The following SLC22A6 variants were observed in gnomAD, a reference collection of about 807,000 sequenced individuals.
SLC22A6 encodes the protein solute carrier family 22 member 6, also known as PAH transporter.
In SLC22A6, 45 loss-of-function variants were observed where a neutral mutation model predicts 56.7. The observed-to-expected ratio is 0.79, with a 90% CI of 0.63 to 1.02. SLC22A6 has a LOEUF of 1.02. Among genes scored for constraint, SLC22A6 ranks in the 50% least tolerant of loss-of-function variants. The pLI is 0.00. For missense variants in SLC22A6, 606 were observed against 713.8 expected (o/e 0.85, Z 1.72); for synonymous variants, 291 against 295.9 (o/e 0.98, Z 0.17).
In SLC22A6 at chr11:62,984,059, G is replaced by A; in HGVS notation, c.370-12C>T. The A allele has an allele frequency of 6.3e-7, 1 of 1,582,344 alleles. No individual in the cohort carries two copies. Among genetic ancestry groups the A allele is most frequent in the Non-Finnish European group, 8.7e-7 (1 of 1,153,360 alleles). On this transcript the variant is annotated splice_polypyrimidine_tract_variant and intron_variant, in intron 1 of 9. Coordinates refer to ENST00000360421, the MANE Select transcript of SLC22A6 (RefSeq NM_153276.3). ...CACACAAGGTCCCACTGTGGGGAGA[G>A]GAGCAAGGGTCAGGCAGAGATGAGC... is the stretch of plus-strand genomic sequence containing the variant.
At position 62,982,020 on chromosome 11, in the gene SLC22A6, G is replaced by C. The variant is rs546834053; in HGVS notation, c.629-10C>G. The C allele has an allele frequency of 2.7e-5, 43 of 1,611,306 alleles. No individual in the cohort carries two copies. In the Middle Eastern group the frequency reaches 6.6e-4, roughly 25 times the overall value. ...GGCATCCACTCCACATCTGGAAAGA[G>C]GGTTAAGACAGGATGCTGCAACTAC... On this transcript the variant is annotated splice_polypyrimidine_tract_variant and intron_variant, in intron 3 of 9. Transcript: ENST00000360421.
At position 62,984,616 on chromosome 11, in the gene SLC22A6, G is replaced by A; in HGVS notation, c.75C>T (p.Val25=). The A allele has an allele frequency of 6.2e-7, 1 of 1,613,588 alleles. No individual in the cohort carries two copies. Among genetic ancestry groups the A allele is most frequent in the African/African-American group, 1.3e-5 (1 of 75,040 alleles). ...GAGAAGCCATCAGGAGCAGGGGGAGGACCACCAGGGTGACCTGGATCTGCT... is the reference window on the plus strand; with the variant it reads ...GAGAAGCCATCAGGAGCAGGGGGAGAACCACCAGGGTGACCTGGATCTGCT... ...RFQQIQVTLV[V]LPLLLMASHN... Residue 25 remains valine, a synonymous_variant, in exon 1 of 10, where the codon GTC becomes GTT. Coordinates refer to ENST00000360421, the MANE Select transcript of SLC22A6 (RefSeq NM_153276.3).
intron 5 of SLC22A6, 35 bp downstream of exon 5, chr11:62,981,225 G>T: frequency 6.2e-7 from 1 of 1,608,336 alleles, no homozygotes; most frequent in Non-Finnish European, 8.5e-7. Flanking sequence ...GTGAAGCCCT[G>T]GGAGGTTATC....
In SLC22A6 at chr11:62,984,328, C is replaced by T; in HGVS notation, c.363G>A (p.Val121=). 1.2e-6 allele frequency: 2 copies of T among 1,613,370 alleles called. No homozygotes were observed. The highest frequency in any genetic ancestry group is 1.7e-6 in the Non-Finnish European group (2 of 1,179,970). ...GGGAGCCCCAGGTGCTCACCTCAGTCACGATGGTAGATGGGAAGGTGCTGT... is the reference window on the plus strand; with the variant it reads ...GGGAGCCCCAGGTGCTCACCTCAGTTACGATGGTAGATGGGAAGGTGCTGT... ...YDNSTFPSTI[V]TEWDLVCSHR... The change falls in exon 1 of 10, where the codon GTG becomes GTA. Residue 121 remains valine, a synonymous_variant. Transcript: ENST00000360421.
chr11:62,984,707 C>A lies in SLC22A6; in HGVS notation c.-17G>T. 6.2e-7 allele frequency: 1 copy of A among 1,608,060 alleles called. No homozygotes were observed. Among genetic ancestry groups the A allele is most frequent in the Non-Finnish European group, 8.5e-7 (1 of 1,178,298 alleles). On this transcript the variant is annotated 5_prime_UTR_variant, in exon 1 of 10. Coordinates refer to ENST00000360421, the MANE Select transcript of SLC22A6 (RefSeq NM_153276.3). ...AAAGGCCATTGGGCCAGGCCCAGCC[C>A]AGTGGCTGGGGGCTGAGGCCTTCCA...
In SLC22A6 at chr11:62,976,840, T is replaced by C; in HGVS notation, c.1607A>G (p.Tyr536Cys). ...TGCTGAGGCCTGCAGTGGGACCATATACTTCTGGTGCTCTTGTTGCTGTCG... is the reference window on the plus strand; with the variant it reads ...TGCTGAGGCCTGCAGTGGGACCATACACTTCTGGTGCTCTTGTTGCTGTCG... ...QTRQQQEHQK[Y>C]MVPLQASAQE... Residue 536 changes from tyrosine (Y) to cysteine (C), a missense_variant, in exon 10 of 10, where the codon TAT becomes TGT. By Grantham distance (194) the Tyr-to-Cys change is radical (BLOSUM62 -2). Coordinates refer to ENST00000360421, the MANE Select transcript of SLC22A6 (RefSeq NM_153276.3). The C allele has an allele frequency of 6.2e-7, 1 of 1,614,116 alleles. No homozygotes were observed. Among genetic ancestry groups the C allele is most frequent in the East Asian group, 2.2e-5 (1 of 44,888 alleles).
At chr11:62,977,426 C>A in intron 8 of SLC22A6, 39 bp from the exon 9 acceptor site, 1 of 1,577,416 alleles carries the variant, frequency 6.3e-7, no homozygotes, top group East Asian at 2.3e-5. Flanking sequence ...GTTAGAGTTC[C>A]AGCATGAATG....
chr11:62,982,293 C>A (rs1463917906), intron 3 of SLC22A6, among the ~76,000 whole-genome samples: 1 of 152,102 alleles, frequency 6.6e-6, no homozygotes, highest in Non-Finnish European at 1.5e-5. Context: ...CCATTGAGAG[C>A]ACCTCTGGCC....
Position 62,983,769 on chromosome 11 carries a change from C to T in SLC22A6, c.474-78G>A, listed in dbSNP as rs770362972. 7.0e-7 allele frequency: 1 copy of T among 1,427,118 alleles called. No individual in the cohort carries two copies. The highest frequency in any genetic ancestry group is 1.3e-5 in the South Asian group (1 of 74,580). 88.4% of individuals were successfully genotyped at this position (1,427,118 alleles called of 1,614,324 possible). A position where few individuals can be genotyped will look rare whatever the true frequency, so the allele number is the denominator to read the frequency against. On this transcript the variant is annotated intron_variant, in intron 2 of 9. Transcript: ENST00000360421. The surrounding 1 kb of genome is among the most constrained non-coding windows in gnomAD (Gnocchi z 4.5). ...GGCTGAGCCAGGAGAGGAGGGCTCA[C>T]CCTGGATGATGCCTGGGCTGGGGCC...
rs1403682440 is a variant in SLC22A6 at position 62,981,387 on chromosome 11, G to A, written c.798-4C>T. On this transcript the variant is annotated splice_polypyrimidine_tract_variant and splice_region_variant and intron_variant, in intron 4 of 9. Coordinates refer to ENST00000360421, the MANE Select transcript of SLC22A6 (RefSeq NM_153276.3). ...GCGGGCCGACTCAATGAAGAACCTG[G>A]GAGCGGGGGTGGGGGTGGGTGTCAG... is the stretch of plus-strand genomic sequence containing the variant. The A allele has an allele frequency of 6.4e-7, 1 of 1,565,404 alleles. No individual in the cohort carries two copies. Among genetic ancestry groups the A allele is most frequent in the Non-Finnish European group, 8.7e-7 (1 of 1,154,104 alleles).
Position 62,978,966 on chromosome 11 carries a change from G to A in SLC22A6, c.1361+522C>T, listed in dbSNP as rs553428454. Among the ~76,000 whole-genome samples, 47 of 152,204 alleles carry A rather than the reference G, an allele frequency of 3.1e-4. No homozygotes were observed. The South Asian group carries it at 9.1e-3, about 30-fold the overall frequency. The stretch of plus-strand genomic sequence containing the variant: ...TGGGATTACAGGCATGAGCCACCGT[G>A]CCGGGCCCCCATTCTTGTTTCTTAA... On this transcript the variant is annotated intron_variant, in intron 8 of 9. Transcript: ENST00000360421.
At chr11:62,978,590 C>CTTT (rs1230405831) in intron 8 of SLC22A6, among the ~76,000 whole-genome samples, 26 of 102,604 alleles carry the variant, frequency 2.5e-4, no homozygotes, top group Non-Finnish European at 3.5e-4. Flanking sequence ...GTCTTGATCT[C>CTTT]TTTTTTTTTT....
intron 5 of SLC22A6, 66 bp downstream of exon 5, chr11:62,981,194 T>G (rs1468511580): frequency 5.6e-6 from 9 of 1,604,588 alleles, no homozygotes; most frequent in Non-Finnish European, 7.7e-6. Flanking sequence ...GGGCCCTGGG[T>G]CCTGGGTTTG....
At position 62,981,346 on chromosome 11, in the gene SLC22A6, C is replaced by CTGA; in HGVS notation, c.834_835insTCA (p.Ser278dup). 1 of 1,286,086 alleles carries CTGA rather than the reference C, an allele frequency of 7.8e-7. No homozygotes were observed. The highest frequency in any genetic ancestry group is 4.5e-5 in the East Asian group (1 of 22,372). 79.7% of individuals were successfully genotyped at this position (1,286,086 alleles called of 1,614,324 possible). On this transcript the variant is annotated inframe_insertion, in exon 5 of 10. Transcript: ENST00000360421. The stretch of plus-strand genomic sequence containing the variant: ...GCCCTCAGGGTGAGGTCCAGCCTCC[C>CTGA]GGAGGAGGAGTGCCAGCGGGCCGAC...
At chr11:62,977,520 A>G in intron 8 of SLC22A6, 133 bp from the exon 9 acceptor site, 1 of 1,064,558 alleles carries the variant, frequency 9.4e-7, no homozygotes, top group Admixed American at 2.8e-5. Context: ...TCCCCATTTG[A>G]TTAGCAAACC....
chr11:62,980,924 T>C (rs901732353), intron 6 of SLC22A6, 61 bp downstream of exon 6: 258 of 1,381,394 alleles, frequency 1.9e-4, no homozygotes, highest in Non-Finnish European at 2.5e-4. Context: ...CTTTCACCCA[T>C]TGTGTCTCCT....
In SLC22A6 at chr11:62,981,400, G is replaced by T; in HGVS notation, c.798-17C>A. The T allele has an allele frequency of 1.4e-6, 2 of 1,472,622 alleles. No homozygotes were observed. Among genetic ancestry groups the T allele is most frequent in the South Asian group, 1.2e-5 (1 of 80,246 alleles). The allele number at this position is 1,472,622 out of a possible 1,614,324, so 91.2% of individuals were successfully genotyped here. A position where few individuals can be genotyped will look rare whatever the true frequency, so the allele number is the denominator to read the frequency against. Reference sequence around the variant, plus strand: ...ATGAAGAACCTGGGAGCGGGGGTGGGGGTGGGTGTCAGCATGGCTTCAGTT... The same window carrying T: ...ATGAAGAACCTGGGAGCGGGGGTGGTGGTGGGTGTCAGCATGGCTTCAGTT... On this transcript the variant is annotated splice_polypyrimidine_tract_variant and intron_variant, in intron 4 of 9. Coordinates refer to ENST00000360421, the MANE Select transcript of SLC22A6 (RefSeq NM_153276.3).
Position 62,984,505 on chromosome 11 carries a change from C to A in SLC22A6, c.186G>T (p.Gly62=), listed in dbSNP as rs11568625. ...PADANLSKNG[G]LEVWLPRDRQ... ...TGTCCCGGGGCAGCCAGACCTCCAG[C>A]CCCCCGTTCTTGCTGAGGTTGGCAT... is the stretch of plus-strand genomic sequence containing the variant. The change falls in exon 1 of 10, where the codon GGG becomes GGT. Residue 62 remains glycine, a synonymous_variant. Coordinates refer to ENST00000360421, the MANE Select transcript of SLC22A6 (RefSeq NM_153276.3). 8.1e-6 allele frequency: 13 copies of A among 1,613,916 alleles called. No individual in the cohort carries two copies. The South Asian group carries it at 1.1e-4, about 14-fold the overall frequency.
Position 62,983,441 on chromosome 11 carries a change from A to G in SLC22A6, c.628+96T>C. The stretch of plus-strand genomic sequence containing the variant: ...TGAGACCCGAGAGAGGCTGGAGGGC[A>G]GGCAGGGCTCAGGAGGGGCAGGCTG... On this transcript the variant is annotated intron_variant, in intron 3 of 9. Transcript: ENST00000360421. This position sits in a 1 kb window ranked among gnomAD's most constrained non-coding sequence, Gnocchi z 4.5. The G allele has an allele frequency of 7.8e-7, 1 of 1,279,514 alleles. No homozygotes were observed. Among genetic ancestry groups the G allele is most frequent in the Non-Finnish European group, 1.1e-6 (1 of 917,558 alleles). 79.3% of individuals were successfully genotyped at this position (1,279,514 alleles called of 1,614,324 possible). A position where few individuals can be genotyped will look rare whatever the true frequency, so the allele number is the denominator to read the frequency against.
Sources: allele counts gnomAD v4.1 joint callset (sites outside exome capture counted in the v4.1 genomes callset), GRCh38; gene constraint gnomAD v4.1.1; non-coding constraint Gnocchi (gnomAD v3.1); transcripts MANE v1.5; gene names NCBI Gene and HGNC (gene_info 2026-07-23, HGNC 2026-07-21).